Variants in MBD3 observed in about 807,000 individuals in gnomAD.
MBD3 encodes methyl-CpG binding domain protein 3, also known as methyl-CpG-binding domain protein 3.
A neutral mutation model predicts 31.2 loss-of-function variants in MBD3; 13 were observed. The ratio of observed to expected loss-of-function variants is 0.42; its 90% confidence interval spans 0.27 to 0.66. The LOEUF (loss-of-function observed/expected upper bound fraction) is 0.66, where lower values mean the gene tolerates loss of function less well. Among genes scored for constraint, MBD3 ranks in the 30% least tolerant of loss-of-function variants. The probability of loss-of-function intolerance (pLI) is 0.26; values close to 1 mark genes in which losing one functional copy is unlikely to be tolerated. For missense variants in MBD3, 440 were observed against 426.5 expected, an observed-to-expected ratio of 1.03 and a Z score of -0.28; for synonymous variants, 223 against 187.4, an observed-to-expected ratio of 1.19 and a Z score of -1.55.
chr19:1,584,764 C>G, intron 2 of MBD3, 87 bp from the exon 3 acceptor site: 2 of 1,381,902 alleles, frequency 1.4e-6, no homozygotes, highest in Non-Finnish European at 2.0e-6. Context: ...TGACCCCCTG[C>G]TTTGCCGGCG....
chr19:1,581,502 G>T, intron 4 of MBD3: 1 of 591,370 alleles, frequency 1.7e-6, no homozygotes, highest in South Asian at 1.9e-5. Flanking sequence ...CAGCATCTTG[G>T]GAGGGCGAGG....
intron 1 of MBD3, among the ~76,000 whole-genome samples, chr19:1,591,352 G>A (rs2060702623): frequency 6.6e-6 from 1 of 152,216 alleles, no homozygotes; most frequent in Admixed American, 6.5e-5. Context: ...CATTGCTTCT[G>A]ATCACAGCCA....
chr19:1,590,282 G>A lies in MBD3; in HGVS notation c.110+2240C>T, dbSNP rs1195047635. Among the ~76,000 whole-genome samples, 4 of 151,728 alleles carry A rather than the reference G, an allele frequency of 2.6e-5. No homozygotes were observed. The East Asian group carries it at 7.7e-4, about 29-fold the overall frequency. On this transcript the variant is annotated intron_variant, in intron 1 of 6. Coordinates refer to ENST00000434436, the MANE Select transcript of MBD3 (RefSeq NM_001281453.2). ...CACTGCACTGTGGCCTGGGCCAAGA[G>A]TGAAACTCCATCTCCAAAAAAAAAC...
At chr19:1,588,741 T>A (rs1346693434) in intron 1 of MBD3, among the ~76,000 whole-genome samples, 1 of 135,762 alleles carries the variant, frequency 7.4e-6, no homozygotes, top group East Asian at 2.3e-4. Context: ...ATCATGACAC[T>A]GCACTCCAGC....
intron 3 of MBD3, 109 bp downstream of exon 3, chr19:1,584,431 A>T: frequency 6.7e-7 from 1 of 1,499,824 alleles, no homozygotes; most frequent in Non-Finnish European, 9.2e-7. Context: ...CTAGCCTGGA[A>T]CTCCTGCGCT....
In MBD3 at chr19:1,584,722, G is replaced by A. The variant is rs561600412; in HGVS notation, c.271-45C>T. ...CAGTCCGGCCTGGGGGCGCCCCGGC[G>A]GCGCGGAGCCTCAGGGGGTGCGGGG... On this transcript the variant is annotated intron_variant, in intron 2 of 6. Coordinates refer to ENST00000434436, the MANE Select transcript of MBD3 (RefSeq NM_001281453.2). 14 of 1,590,328 alleles carry A rather than the reference G, an allele frequency of 8.8e-6. No individual in the cohort carries two copies. In the East Asian group the frequency reaches 2.5e-4, roughly 28 times the overall value.
intron 3 of MBD3, 123 bp downstream of exon 3, chr19:1,584,417 C>T: frequency 1.4e-6 from 2 of 1,437,248 alleles, no homozygotes; most frequent in East Asian, 2.3e-5. Context: ...TCATGTTGCC[C>T]AGGCTAGCCT....
In MBD3 at chr19:1,581,209, G is replaced by C. The variant is rs766827335; in HGVS notation, c.560C>G (p.Thr187Ser). Residue 187 changes from threonine (T) to serine (S), a missense_variant, in exon 5 of 7, where the codon ACT becomes AGT. Thr to Ser is a moderately conservative substitution (Grantham distance 58, BLOSUM62 1). Coordinates refer to ENST00000434436, the MANE Select transcript of MBD3 (RefSeq NM_001281453.2). ...CTGTCCCGTGATGGGCATGGTGCTA[G>C]TGTGCAGGGCGCTGGCGATGGCCGA... ...LLSAIASALH[T>S]STMPITGQLS... 32 of 1,613,656 alleles carry C rather than the reference G, an allele frequency of 2.0e-5. No homozygotes were observed. The highest frequency in any genetic ancestry group is 2.5e-5 in the Non-Finnish European group (30 of 1,180,032).
At chr19:1,581,406 A>G (rs555755404) in intron 4 of MBD3, 137 bp from the exon 5 acceptor site, 2 of 887,884 alleles carry the variant, frequency 2.3e-6, no homozygotes, top group African/African-American at 1.7e-5. Context: ...TTCCATTTCT[A>G]AATTCCCTCT....
At position 1,585,559 on chromosome 19, in the gene MBD3, T is replaced by G; in HGVS notation, c.111-345A>C. ...CCAGACCCCCAACCCCGGTCCCCTC[T>G]GAATCCTCCCCACCGTAGGCCCTGG... On this transcript the variant is annotated intron_variant, in intron 1 of 6. Coordinates refer to ENST00000434436, the MANE Select transcript of MBD3 (RefSeq NM_001281453.2). The surrounding 1 kb of genome is among the most constrained non-coding windows in gnomAD (Gnocchi z 4.1). 1 of 328,782 alleles carries G rather than the reference T, an allele frequency of 3.0e-6. No individual in the cohort carries two copies. Among genetic ancestry groups the G allele is most frequent in the Non-Finnish European group, 5.8e-6 (1 of 172,406 alleles). 20.4% of individuals were successfully genotyped at this position (328,782 alleles called of 1,614,324 possible).
Position 1,585,025 on chromosome 19 carries a change from C to A in MBD3, c.270+30G>T. ...CGTCCCCGCCTAGAACGCCCCGCGC[C>A]GACGTCACCTGCGTGACGCCACCAC... On this transcript the variant is annotated intron_variant, in intron 2 of 6. Coordinates refer to ENST00000434436, the MANE Select transcript of MBD3 (RefSeq NM_001281453.2). This position sits in a 1 kb window ranked among gnomAD's most constrained non-coding sequence, Gnocchi z 4.1. 6.2e-7 allele frequency: 1 copy of A among 1,607,814 alleles called. No individual in the cohort carries two copies. Among genetic ancestry groups the A allele is most frequent in the South Asian group, 1.1e-5 (1 of 90,958 alleles).
At chr19:1,582,958 C>G (rs1385755579) in intron 3 of MBD3, among the ~76,000 whole-genome samples, 1 of 152,120 alleles carries the variant, frequency 6.6e-6, no homozygotes. Flanking sequence ...AATCCCAGCA[C>G]TTTAGGAGGC....
In MBD3 at chr19:1,575,356, C is replaced by G; in HGVS notation, c.*2808G>C. On this transcript the variant is annotated 3_prime_UTR_variant, in exon 7 of 7. Transcript: ENST00000434436. ...TGGAGGTTGCAGTGAGCCCAGATCA[C>G]GCCACTGCACTCCAGCCTGTGCAAC... 1 of 416,884 alleles carries G rather than the reference C, an allele frequency of 2.4e-6. No homozygotes were observed. The highest frequency in any genetic ancestry group is 1.6e-5 in the South Asian group (1 of 61,886). 25.8% of individuals were successfully genotyped at this position (416,884 alleles called of 1,614,324 possible).
In MBD3 at chr19:1,582,476, C is replaced by T. The variant is rs1163006549; in HGVS notation, c.499+146G>A. ...CCCATCCCCAACCCCACTGGGTCCC[C>T]TCCTCCTGCCCCAGTCGCTGGCAGA... On this transcript the variant is annotated intron_variant, in intron 4 of 6. Transcript: ENST00000434436. 8 of 749,358 alleles carry T rather than the reference C, an allele frequency of 1.1e-5. 1 individual carries two copies. Among genetic ancestry groups the T allele is most frequent in the South Asian group, 3.3e-5 (2 of 61,446 alleles). The allele number at this position is 749,358 out of a possible 1,614,324, so 46.4% of individuals were successfully genotyped here.
intron 5 of MBD3, 130 bp downstream of exon 5, chr19:1,580,962 G>A: frequency 1.7e-6 from 2 of 1,206,358 alleles, no homozygotes; most frequent in South Asian, 2.6e-5. Flanking sequence ...CCTTGCCCTG[G>A]CTGTTTCTGT....
At chr19:1,586,684 T>TTTTTTA in intron 1 of MBD3, among the ~76,000 whole-genome samples, 1 of 151,104 alleles carries the variant, frequency 6.6e-6, no homozygotes, top group African/African-American at 2.4e-5. Flanking sequence ...TTTTTTTTTT[T>TTTTTTA]GAGATGGAGT....
chr19:1,590,933 A>G (rs1457881541), intron 1 of MBD3, among the ~76,000 whole-genome samples: 2 of 152,204 alleles, frequency 1.3e-5, no homozygotes, highest in Non-Finnish European at 2.9e-5. Context: ...TAGCCTGTAG[A>G]GGAGCTTCTC....
At position 1,578,474 on chromosome 19, in the gene MBD3, G is replaced by C; in HGVS notation, c.742C>G (p.Leu248Val). The stretch of plus-strand genomic sequence containing the variant: ...CGGGCCAGCTCCTCCACGTGCGCCA[G>C]CATGTCGGCCATCAGCGCCTCCTCC... Reference protein sequence around the residue: ...RLEEALMADMLAHVEELARDG... With the variant: ...RLEEALMADMVAHVEELARDG... The change falls in exon 6 of 7, where the codon CTG (leucine) becomes GTG (valine). Residue 248 changes from leucine (L) to valine (V), a missense_variant. Around this residue, in one of 3 missense-constraint regions of MBD3, gnomAD observed 117 missense variants for 95.0 expected, o/e 1.23. Coordinates refer to ENST00000434436, the MANE Select transcript of MBD3 (RefSeq NM_001281453.2). This position sits in a 1 kb window ranked among gnomAD's most constrained non-coding sequence, Gnocchi z 6.1. 1 of 1,610,540 alleles carries C rather than the reference G, an allele frequency of 6.2e-7. No homozygotes were observed. The highest frequency in any genetic ancestry group is 1.7e-4 in the Middle Eastern group (1 of 6,054).
intron 4 of MBD3, among the ~76,000 whole-genome samples, chr19:1,582,396 C>T (rs1239057424): frequency 6.6e-6 from 1 of 152,154 alleles, no homozygotes; most frequent in Non-Finnish European, 1.5e-5. Flanking sequence ...GCCACAAAGC[C>T]CCACCCGCAG....
Sources: gnomAD v4.1 joint callset for allele counts (sites outside exome capture counted in the v4.1 genomes callset) on GRCh38, gnomAD v4.1.1 for gene constraint, gnomAD v4.1.1 regional missense constraint, Gnocchi (gnomAD v3.1) non-coding constraint, MANE v1.5 for transcripts, NCBI Gene and HGNC (gene_info 2026-07-23, HGNC 2026-07-21) for gene names.